Variants in HBZ observed in about 807,000 individuals in gnomAD.
HBZ encodes hemoglobin subunit zeta.
HBZ carries 2 observed loss-of-function variants against 5.8 expected under a neutral mutation model. The observed-to-expected ratio is 0.34, with a 90% CI of 0.14 to 1.09. The LOEUF (loss-of-function observed/expected upper bound fraction) is 1.09. Among genes scored for constraint, HBZ ranks in the 50% least tolerant of loss-of-function variants. The probability of loss-of-function intolerance (pLI) is 0.42; values close to 1 mark genes in which losing one functional copy is unlikely to be tolerated. For missense variants in HBZ, 47 were observed against 97.8 expected, an observed-to-expected ratio of 0.48 and a Z score of 2.19; for synonymous variants, 39 against 47.4, an observed-to-expected ratio of 0.82 and a Z score of 0.73.
chr16:154,331 C>T lies in HBZ; in HGVS notation c.360C>T (p.Ala120=). The change falls in exon 3 of 3, where the codon GCC becomes GCT. Residue 120 remains alanine (A), a synonymous_variant. Transcript: ENST00000252951. ...LAARFPADFT[A]EAHAAWDKFL... is the part of the protein sequence containing the mutation. ...CGCGCTTCCCCGCCGACTTCACGGC[C>T]GAGGCCCACGCCGCCTGGGACAAGT... 6.5e-7 allele frequency: 1 copy of T among 1,537,494 alleles called. No individual in the cohort carries two copies. Among genetic ancestry groups the T allele is most frequent in the Non-Finnish European group, 8.8e-7 (1 of 1,139,586 alleles).
Position 154,352 on chromosome 16 carries a change from C to T in HBZ, c.381C>T (p.Asp127=). 1 of 1,541,976 alleles carries T rather than the reference C, an allele frequency of 6.5e-7. No individual in the cohort carries two copies. Among genetic ancestry groups the T allele is most frequent in the Non-Finnish European group, 8.8e-7 (1 of 1,142,074 alleles). Reference sequence around the variant, plus strand: ...CGGCCGAGGCCCACGCCGCCTGGGACAAGTTCCTATCGGTCGTATCCTCTG... The same window carrying T: ...CGGCCGAGGCCCACGCCGCCTGGGATAAGTTCCTATCGGTCGTATCCTCTG... ...DFTAEAHAAW[D]KFLSVVSSVL... is the part of the protein sequence containing the mutation. Residue 127 remains aspartate (D), a synonymous_variant, in exon 3 of 3, where the codon GAC becomes GAT. Transcript: ENST00000252951.
Position 152,937 on chromosome 16 carries a change from A to G in HBZ, c.28A>G (p.Ile10Val), listed in dbSNP as rs1463983698. ...GTCTCTGACCAAGACTGAGAGGACCATCATTGTGTCCATGTGGGCCAAGAT... is the reference window on the plus strand; with the variant it reads ...GTCTCTGACCAAGACTGAGAGGACCGTCATTGTGTCCATGTGGGCCAAGAT... MSLTKTERTIIVSMWAKIST... is the reference protein window; with the variant it reads MSLTKTERTVIVSMWAKIST... Residue 10 changes from isoleucine to valine, a missense_variant, in exon 1 of 3, where the codon ATC (isoleucine) becomes GTC (valine). Ile to Val is a conservative substitution (Grantham distance 29). Around this residue, in one of 3 missense-constraint regions of HBZ, gnomAD observed 29 missense variants for 39.7 expected, o/e 0.73. Transcript: ENST00000252951. The G allele has an allele frequency of 3.7e-6, 6 of 1,612,286 alleles. No individual in the cohort carries two copies. The highest frequency in any genetic ancestry group is 5.1e-6 in the Non-Finnish European group (6 of 1,179,396).
Position 152,683 on chromosome 16 carries a change from A to T in HBZ, c.-227A>T. The T allele has an allele frequency of 1.4e-6, 1 of 718,208 alleles. No homozygotes were observed. Among genetic ancestry groups the T allele is most frequent in the African/African-American group, 1.8e-5 (1 of 55,892 alleles). 44.5% of individuals were successfully genotyped at this position (718,208 alleles called of 1,614,324 possible). On this transcript the variant is annotated 5_prime_UTR_variant, in exon 1 of 3. Coordinates refer to ENST00000252951, the MANE Select transcript of HBZ (RefSeq NM_005332.3). ...ACCCCCTGTAAGGCCACAGGAGAGG[A>T]ACAGGAGTGATAGCCCCCAAACCCC...
intron 1 of HBZ, among the ~76,000 whole-genome samples, 193 bp downstream of exon 1, chr16:153,197 A>G (rs12935234): frequency 5.9e-4 from 75 of 127,200 alleles, no homozygotes; most frequent in African/African-American, 1.8e-3. Context: ...GGAACCGTGG[A>G]GAGGGGACAG....
intron 2 of HBZ, 75 bp from the exon 3 acceptor site, chr16:154,197 C>CGGGGA: frequency 1.2e-4 from 1 of 8,342 alleles, no homozygotes; most frequent in African/African-American, 0.042. Context: ...GGCGGGGTCG[C>CGGGGA]GGGGCGGATG....
chr16:154,189 C>CG lies in HBZ; in HGVS notation c.301-79dup, dbSNP rs1174642612. 1.0e-3 allele frequency: 15 copies of CG among 14,982 alleles called. 4 individuals carry two copies. In the African/African-American group the frequency reaches 0.15, roughly 152 times the overall value. The allele number at this position is 14,982 out of a possible 1,614,324, so 0.9% of individuals were successfully genotyped here. A position where few individuals can be genotyped will look rare whatever the true frequency, so the allele number is the denominator to read the frequency against. On this transcript the variant is annotated intron_variant, in intron 2 of 2. Coordinates refer to ENST00000252951, the MANE Select transcript of HBZ (RefSeq NM_005332.3). ...CGGGGCGGGGAGGGGCGGGGAGGGG[C>CG]GGGGTCGCGGGGCGGATGCGGGGGT...
Position 152,904 on chromosome 16 carries a change from G to A in HBZ, c.-6G>A. The A allele has an allele frequency of 5.0e-6, 8 of 1,612,334 alleles. No individual in the cohort carries two copies. Among genetic ancestry groups the A allele is most frequent in the Non-Finnish European group, 6.8e-6 (8 of 1,179,566 alleles). On this transcript the variant is annotated 5_prime_UTR_variant, in exon 1 of 3. Coordinates refer to ENST00000252951, the MANE Select transcript of HBZ (RefSeq NM_005332.3). ...CAACTCCAGTGCAGCTGCCCACCCT[G>A]CCGCCATGTCTCTGACCAAGACTGA...
chr16:153,094 A>C (rs370948553), intron 1 of HBZ, 90 bp downstream of exon 1: 8,804 of 394,422 alleles, frequency 0.022, 147 homozygotes, highest in Non-Finnish European at 0.028. Flanking sequence ...GGGAGGGGAC[A>C]GTGGGGAGGG....
intron 1 of HBZ, among the ~76,000 whole-genome samples, 154 bp downstream of exon 1, chr16:153,158 G>A (rs1197610000): frequency 2.0e-5 from 3 of 151,886 alleles, no homozygotes; most frequent in Admixed American, 6.6e-5. Context: ...ACAGTGAGGA[G>A]GGGACCTTGG....
Position 153,050 on chromosome 16 carries a change from G to C in HBZ, c.95+46G>C, listed in dbSNP as rs770096906. The C allele has an allele frequency of 1.7e-5, 11 of 639,602 alleles. No individual in the cohort carries two copies. In the East Asian group the frequency reaches 5.3e-4, roughly 31 times the overall value. The allele number at this position is 639,602 out of a possible 1,614,324, so 39.6% of individuals were successfully genotyped here. ...CCAGAGGGACTGGGTGGGAGGCCAG[G>C]TATGTGAGTGGGGACAGTGGGGAGG... On this transcript the variant is annotated intron_variant, in intron 1 of 2. Coordinates refer to ENST00000252951, the MANE Select transcript of HBZ (RefSeq NM_005332.3).
At chr16:153,036 G>A in intron 1 of HBZ, 32 bp downstream of exon 1, 2 of 1,496,516 alleles carry the variant, frequency 1.3e-6, no homozygotes, top group Non-Finnish European at 1.8e-6. Context: ...CAGAGGGACT[G>A]GGTGGGAGGC....
Position 154,280 on chromosome 16 carries a change from C to T in HBZ, c.309C>T (p.Ser103=), listed in dbSNP as rs780341332. The T allele has an allele frequency of 1.4e-4, 177 of 1,260,538 alleles. 1 individual carries two copies. The highest frequency in any genetic ancestry group is 2.3e-4 in the Middle Eastern group (1 of 4,294). The allele number at this position is 1,260,538 out of a possible 1,614,324, so 78.1% of individuals were successfully genotyped here. A position where few individuals can be genotyped will look rare whatever the true frequency, so the allele number is the denominator to read the frequency against. The part of the protein sequence containing the change: ...RVDPVNFKLL[S]HCLLVTLAAR... Reference sequence around the variant, plus strand: ...GCCGCCCCCGCCCCCAGCTCCTGTCCCACTGCCTGCTGGTCACCCTGGCCG... The same window carrying T: ...GCCGCCCCCGCCCCCAGCTCCTGTCTCACTGCCTGCTGGTCACCCTGGCCG... Residue 103 remains serine, a synonymous_variant, in exon 3 of 3, where the codon TCC becomes TCT. Transcript: ENST00000252951.
At chr16:153,149 C>T in intron 1 of HBZ, 145 bp downstream of exon 1, 1 of 620,594 alleles carries the variant, frequency 1.6e-6, no homozygotes, top group South Asian at 2.0e-5. Context: ...GGGGAGAGGA[C>T]AGTGAGGAGG....
chr16:154,156 G>GT lies in HBZ; in HGVS notation c.300+60_300+61insT, dbSNP rs1901666945. 1.3e-4 allele frequency: 6 copies of GT among 45,794 alleles called. 1 individual carries two copies. The highest frequency in any genetic ancestry group is 0.02 in the Middle Eastern group (1 of 50). The allele number at this position is 45,794 out of a possible 1,614,324, so 2.8% of individuals were successfully genotyped here. A position where few individuals can be genotyped will look rare whatever the true frequency, so the allele number is the denominator to read the frequency against. On this transcript the variant is annotated intron_variant, in intron 2 of 2. Coordinates refer to ENST00000252951, the MANE Select transcript of HBZ (RefSeq NM_005332.3). ...GGCGGGGCGCGGTGCGGGCGGGGCGGGGCGGGGCGGGGCGGGGAGGGGCGG... is the reference window on the plus strand; with the variant it reads ...GGCGGGGCGCGGTGCGGGCGGGGCGGTGGCGGGGCGGGGCGGGGAGGGGCGG...
intron 2 of HBZ, 56 bp downstream of exon 2, chr16:154,152 G>GCGGT (rs1567158062): frequency 2.1e-5 from 1 of 48,318 alleles, no homozygotes; most frequent in African/African-American, 2.8e-4. Context: ...GTGCGGGCGG[G>GCGGT]GCGGGGCGGG....
Position 152,970 on chromosome 16 carries a change from C to G in HBZ, c.61C>G (p.Gln21Glu), listed in dbSNP as rs755606960. Residue 21 changes from glutamine (Q) to glutamate (E), a missense_variant, in exon 1 of 3, where the codon CAG becomes GAG. Gln to Glu is a conservative substitution (Grantham distance 29). Around this residue, in one of 3 missense-constraint regions of HBZ, gnomAD observed 29 missense variants for 39.7 expected, o/e 0.73. Coordinates refer to ENST00000252951, the MANE Select transcript of HBZ (RefSeq NM_005332.3). ...IVSMWAKIST[Q>E]ADTIGTETLE... ...GTCCATGTGGGCCAAGATCTCCACG[C>G]AGGCCGACACCATCGGCACCGAGAC... The G allele has an allele frequency of 1.2e-6, 2 of 1,611,786 alleles. No homozygotes were observed. Among genetic ancestry groups the G allele is most frequent in the African/African-American group, 2.7e-5 (2 of 74,832 alleles).
At position 152,900 on chromosome 16, in the gene HBZ, C is replaced by T. The variant is rs753048183; in HGVS notation, c.-10C>T. ...GGCCCAACTCCAGTGCAGCTGCCCACCCTGCCGCCATGTCTCTGACCAAGA... is the reference window on the plus strand; with the variant it reads ...GGCCCAACTCCAGTGCAGCTGCCCATCCTGCCGCCATGTCTCTGACCAAGA... On this transcript the variant is annotated 5_prime_UTR_variant, in exon 1 of 3. Transcript: ENST00000252951. 2 of 1,612,180 alleles carry T rather than the reference C, an allele frequency of 1.2e-6. No individual in the cohort carries two copies. Among genetic ancestry groups the T allele is most frequent in the African/African-American group, 2.7e-5 (2 of 74,922 alleles).
intron 2 of HBZ, 51 bp downstream of exon 2, chr16:154,147 G>GGCGGTGCGGT (rs1567158056): frequency 1.5e-4 from 6 of 40,562 alleles, no homozygotes; most frequent in African/African-American, 6.8e-4. Flanking sequence ...GCGCGGTGCG[G>GGCGGTGCGGT]GCGGGGCGGG....
Position 154,377 on chromosome 16 carries a change from G to A in HBZ, c.406G>A (p.Val136Ile), listed in dbSNP as rs1901678489. 1.3e-6 allele frequency: 2 copies of A among 1,536,030 alleles called. No individual in the cohort carries two copies. Among genetic ancestry groups the A allele is most frequent in the South Asian group, 1.2e-5 (1 of 82,762 alleles). ...WDKFLSVVSS[V>I]LTEKYR ...CAAGTTCCTATCGGTCGTATCCTCT[G>A]TCCTGACCGAGAAGTACCGCTGAGC... The change falls in exon 3 of 3, where the codon GTC (valine) becomes ATC (isoleucine). Residue 136 changes from valine (V) to isoleucine (I), a missense_variant. Around this residue, in one of 3 missense-constraint regions of HBZ, gnomAD observed 18 missense variants for 39.4 expected, o/e 0.46. Coordinates refer to ENST00000252951, the MANE Select transcript of HBZ (RefSeq NM_005332.3).
Sources: allele counts gnomAD v4.1 joint callset (sites outside exome capture counted in the v4.1 genomes callset), GRCh38; gene constraint gnomAD v4.1.1; regional missense constraint gnomAD v4.1.1; transcripts MANE v1.5; gene names NCBI Gene and HGNC (gene_info 2026-07-23, HGNC 2026-07-21).